SNAP91: variants seen among roughly 807,000 people sequenced by gnomAD.
The protein encoded by SNAP91 is clathrin coat assembly protein AP180.
In SNAP91, 27 loss-of-function variants were observed where a neutral mutation model predicts 100.3. That is an observed-to-expected ratio of 0.27 (90% confidence interval 0.20 to 0.37). The LOEUF is 0.37. SNAP91 is among the 10% of genes least tolerant of loss of function. The pLI is 1.00. For missense variants in SNAP91, 986 were observed against 1,123.7 expected (o/e 0.88, Z 1.75); for synonymous variants, 404 against 398.6 (o/e 1.01, Z -0.16).
At chr6:83,665,622 A>G (rs369222159) in intron 2 of SNAP91, 41 bp from the exon 3 acceptor site, 2 of 1,572,200 alleles carry the variant, frequency 1.3e-6, no homozygotes, top group Non-Finnish European at 1.7e-6. Flanking sequence ...ATTAACAATT[A>G]CATGCAAAAA....
chr6:83,615,844 A>C (rs559214239), intron 10 of SNAP91, among the ~76,000 whole-genome samples: 1 of 152,348 alleles, frequency 6.6e-6, no homozygotes, highest in East Asian at 1.9e-4. Flanking sequence ...TCCAGAGGCA[A>C]CAAAGTCAGA....
chr6:83,580,615 A>G lies in SNAP91; in HGVS notation c.2150-16T>C. The G allele has an allele frequency of 6.3e-7, 1 of 1,593,378 alleles. No homozygotes were observed. The highest frequency in any genetic ancestry group is 8.5e-7 in the Non-Finnish European group (1 of 1,171,896). On this transcript the variant is annotated splice_polypyrimidine_tract_variant and intron_variant, in intron 23 of 29. Coordinates refer to ENST00000369694, the MANE Select transcript of SNAP91 (RefSeq NM_001242792.2). ...CCATCAAACACTGGAAATCAAATAG[A>G]CTAGGTTCAGAATAATTGAAAACAA...
At chr6:83,587,840 T>C (rs1232273831) in intron 22 of SNAP91, among the ~76,000 whole-genome samples, 1 of 152,232 alleles carries the variant, frequency 6.6e-6, no homozygotes, top group Admixed American at 6.5e-5. Context: ...TTCCATGATG[T>C]TCTTTAGTGA....
intron 8 of SNAP91, among the ~76,000 whole-genome samples, chr6:83,627,058 T>A (rs983429621): frequency 6.6e-6 from 1 of 152,062 alleles, no homozygotes; most frequent in Non-Finnish European, 1.5e-5. Flanking sequence ...AGGGTTTGTA[T>A]CATGAAGGGA....
chr6:83,644,029 G>C (rs945932735), intron 7 of SNAP91, among the ~76,000 whole-genome samples: 4 of 152,180 alleles, frequency 2.6e-5, no homozygotes, highest in Middle Eastern at 3.4e-3. Flanking sequence ...CATACTTTTT[G>C]TTCTCTCTTT....
intron 9 of SNAP91, among the ~76,000 whole-genome samples, chr6:83,620,675 A>G (rs2096678089): frequency 6.6e-6 from 1 of 151,956 alleles, no homozygotes; most frequent in African/African-American, 2.4e-5. Flanking sequence ...ATATTCTTGT[A>G]TTGAACTAGA....
intron 8 of SNAP91, among the ~76,000 whole-genome samples, chr6:83,630,955 A>G (rs981269517): frequency 6.6e-6 from 1 of 151,656 alleles, no homozygotes; most frequent in South Asian, 2.1e-4. Context: ...TGTTCTTTCA[A>G]ATTTTTTGAT....
chr6:83,558,400 C>T (rs1203422933), intron 28 of SNAP91, among the ~76,000 whole-genome samples: 1 of 152,238 alleles, frequency 6.6e-6, no homozygotes, highest in Admixed American at 6.5e-5. Flanking sequence ...AAAAACAACA[C>T]TACACAGGGT....
intron 7 of SNAP91, among the ~76,000 whole-genome samples, chr6:83,642,845 G>A (rs1385531684): frequency 6.6e-6 from 1 of 152,118 alleles, no homozygotes; most frequent in Non-Finnish European, 1.5e-5. Flanking sequence ...ATCCTCTCCA[G>A]CACCTGTTGT....
intron 12 of SNAP91, 38 bp downstream of exon 12, chr6:83,610,612 C>A (rs2095954173): frequency 5.1e-6 from 3 of 589,922 alleles, no homozygotes; most frequent in Non-Finnish European, 3.2e-6. Context: ...TGGTAAAAAA[C>A]AAAAAACAAA....
At chr6:83,589,024 A>T (rs2093330488) in intron 22 of SNAP91, among the ~76,000 whole-genome samples, 1 of 152,168 alleles carries the variant, frequency 6.6e-6, no homozygotes, top group Admixed American at 6.5e-5. Context: ...ATTTGATTTT[A>T]TGGGCCGTTT....
At chr6:83,602,189 A>G (rs1456951280) in intron 14 of SNAP91, among the ~76,000 whole-genome samples, 1 of 152,206 alleles carries the variant, frequency 6.6e-6, no homozygotes, top group African/African-American at 2.4e-5. Context: ...CTTTCAGCCG[A>G]TTGGGTTCAT....
chr6:83,597,299 A>T lies in SNAP91; in HGVS notation c.1325-2818T>A, dbSNP rs80051503. Among the ~76,000 whole-genome samples, 468 of 152,352 alleles carry T rather than the reference A, an allele frequency of 3.1e-3. 2 individuals carry two copies. The highest frequency in any genetic ancestry group is 0.011 in the African/African-American group (440 of 41,576). On this transcript the variant is annotated intron_variant, in intron 16 of 29. Transcript: ENST00000369694. ...AAGAGACCTTGAGTGAGAACTGCCCAGCTGAGCTCAGTCAGCCACCAGAAC... is the reference window on the plus strand; with the variant it reads ...AAGAGACCTTGAGTGAGAACTGCCCTGCTGAGCTCAGTCAGCCACCAGAAC...
Position 83,570,600 on chromosome 6 carries a change from C to T in SNAP91, c.2442+4410G>A, listed in dbSNP as rs113186137. Among the ~76,000 whole-genome samples, 491 of 151,568 alleles carry T rather than the reference C, an allele frequency of 3.2e-3. 3 individuals are homozygous for T. The highest frequency in any genetic ancestry group is 0.011 in the African/African-American group (458 of 41,122). ...ATGGGCTGGGCCCAGGGTCCCTGTGCTGTGTGCAGTCTAGGGACCTGGTGC... is the reference window on the plus strand; with the variant it reads ...ATGGGCTGGGCCCAGGGTCCCTGTGTTGTGTGCAGTCTAGGGACCTGGTGC... On this transcript the variant is annotated intron_variant, in intron 26 of 29. Transcript: ENST00000369694.
chr6:83,707,848 C>A lies in SNAP91; in HGVS notation c.80G>T (p.Cys27Phe). ...VTGSAVARAV[C>F]KATTHEVMGP... is the part of the protein sequence containing the mutation. The stretch of plus-strand genomic sequence containing the variant: ...CATTACTTCATGAGTAGTGGCTTTG[C>A]AGACCGCTCTTGCTACAGCAGAGCC... The change falls in exon 2 of 30, where the codon TGC becomes TTC. Residue 27 changes from cysteine to phenylalanine, a missense_variant. This residue lies in a region of SNAP91 where 330 missense variants were observed against 447.5 expected (regional missense o/e 0.74). Transcript: ENST00000369694. 1.2e-6 allele frequency: 2 copies of A among 1,613,070 alleles called. No homozygotes were observed. Among genetic ancestry groups the A allele is most frequent in the Non-Finnish European group, 1.7e-6 (2 of 1,179,550 alleles).
At chr6:83,576,151 T>C (rs927244389) in intron 24 of SNAP91, 98 bp from the exon 25 acceptor site, 6 of 625,162 alleles carry the variant, frequency 9.6e-6, no homozygotes, top group African/African-American at 7.9e-5. Context: ...TATAAAAAAG[T>C]CCTTATTTTG....
intron 13 of SNAP91, among the ~76,000 whole-genome samples, 183 bp from the exon 14 acceptor site, chr6:83,605,986 G>A (rs184659060): frequency 1.3e-5 from 2 of 152,244 alleles, no homozygotes; most frequent in East Asian, 3.9e-4. Flanking sequence ...TTTTGTCAAG[G>A]GCAAGATGGT....
At chr6:83,631,496 T>C (rs1284184772) in intron 8 of SNAP91, among the ~76,000 whole-genome samples, 1 of 152,154 alleles carries the variant, frequency 6.6e-6, no homozygotes, top group Non-Finnish European at 1.5e-5. Context: ...CTATTAGTAA[T>C]CGTTTTTACA....
intron 2 of SNAP91, 32 bp downstream of exon 2, chr6:83,707,766 C>A (rs1166635871): frequency 6.2e-7 from 1 of 1,610,580 alleles, no homozygotes; most frequent in Admixed American, 1.7e-5. Context: ...CTCTGCCGTG[C>A]GCATGTCCCT....
Sources: gnomAD v4.1 joint callset for allele counts (sites outside exome capture counted in the v4.1 genomes callset) on GRCh38, gnomAD v4.1.1 for gene constraint, gnomAD v4.1.1 regional missense constraint, MANE v1.5 for transcripts, NCBI Gene and HGNC (gene_info 2026-07-23, HGNC 2026-07-21) for gene names.